NALF1: variants seen among roughly 807,000 people sequenced by gnomAD.
The protein encoded by NALF1 is family with sequence similarity 155 member A.
NALF1 carries 3 observed loss-of-function variants against 48.4 expected under a neutral mutation model. That is an observed-to-expected ratio of 0.06 (90% CI 0.03 to 0.16). The LOEUF (loss-of-function observed/expected upper bound fraction) is 0.16, where lower values mean the gene tolerates loss of function less well. Ranked by LOEUF, NALF1 falls within the 10% of genes least tolerant of loss-of-function variation. NALF1 has a pLI of 1.00. For missense variants in NALF1, 526 were observed against 571.5 expected (o/e 0.92, Z 0.81); for synonymous variants, 262 against 245.7 (o/e 1.07, Z -0.62).
Position 107,671,485 on chromosome 13 carries a change from G to A in NALF1, c.915+194197C>T, listed in dbSNP as rs9559132. On this transcript the variant is annotated intron_variant, in intron 1 of 2. Coordinates refer to ENST00000375915, the MANE Select transcript of NALF1 (RefSeq NM_001080396.3). ...TGCATTAAATTAGTAATGTAAAAAT[G>A]ATTGGAAGAAAATCAATGTACATAG... Among the ~76,000 whole-genome samples, 2,767 of 152,142 alleles carry A rather than the reference G, an allele frequency of 0.018. 148 individuals are homozygous for A. The East Asian group carries it at 0.2, about 11-fold the overall frequency.
intron 1 of NALF1, among the ~76,000 whole-genome samples, chr13:107,441,882 A>C (rs1884565541): frequency 6.6e-6 from 1 of 152,226 alleles, no homozygotes; most frequent in African/African-American, 2.4e-5. Context: ...GTGAATGTGC[A>C]ATAGGAAATA....
intron 1 of NALF1, among the ~76,000 whole-genome samples, chr13:107,629,159 G>C (rs891902473): frequency 2.6e-5 from 4 of 152,136 alleles, no homozygotes; most frequent in Non-Finnish European, 4.4e-5. Context: ...AGGCCAAGTT[G>C]ACACTATGAA....
At chr13:107,648,229 T>C (rs1045043615) in intron 1 of NALF1, among the ~76,000 whole-genome samples, 1 of 152,172 alleles carries the variant, frequency 6.6e-6, no homozygotes, top group Non-Finnish European at 1.5e-5. Flanking sequence ...ACTCTTTGCA[T>C]TGTGCAGTTC....
At chr13:107,601,962 C>G (rs986144152) in intron 1 of NALF1, among the ~76,000 whole-genome samples, 1 of 151,952 alleles carries the variant, frequency 6.6e-6, no homozygotes, top group Non-Finnish European at 1.5e-5. Flanking sequence ...TGTTTTAATG[C>G]GACAAATTTC....
intron 1 of NALF1, among the ~76,000 whole-genome samples, chr13:107,614,896 C>A (rs1040002467): frequency 6.6e-6 from 1 of 152,006 alleles, no homozygotes; most frequent in East Asian, 1.9e-4. Context: ...CCTGCCTCAG[C>A]TTCCTGAGTA....
rs566526344 is a variant in NALF1 at position 107,556,263 on chromosome 13, C to G, written c.915+309419G>C. On this transcript the variant is annotated intron_variant, in intron 1 of 2. Coordinates refer to ENST00000375915, the MANE Select transcript of NALF1 (RefSeq NM_001080396.3). Reference sequence around the variant, plus strand: ...TCAGAGATGTGCCTCTCCTCTCTCTCTCTCTCAACATATATATATATATAT... The same window carrying G: ...TCAGAGATGTGCCTCTCCTCTCTCTGTCTCTCAACATATATATATATATAT... Among the ~76,000 whole-genome samples the G allele has an allele frequency of 5.9e-3, 808 of 137,678 alleles. 5 individuals are homozygous for G. The highest frequency in any genetic ancestry group is 0.021 in the African/African-American group (773 of 36,192). The allele number at this position is 137,678 out of a possible 152,430, so 90.3% of individuals were successfully genotyped here.
In NALF1 at chr13:107,392,899, C is replaced by T. The variant is rs1253518132; in HGVS notation, c.916-182144G>A. Among the ~76,000 whole-genome samples the T allele has an allele frequency of 6.6e-5, 10 of 152,066 alleles. No homozygotes were observed. In the East Asian group the frequency reaches 1.9e-3, roughly 29 times the overall value. ...CTTGGCAGAACTCCTGGTGAAACAG[C>T]TCCATTTTAACAACCTGTTATTCTG... On this transcript the variant is annotated intron_variant, in intron 1 of 2. Transcript: ENST00000375915.
chr13:107,231,221 T>C (rs1365424597), intron 1 of NALF1, among the ~76,000 whole-genome samples: 1 of 152,138 alleles, frequency 6.6e-6, no homozygotes, highest in African/African-American at 2.4e-5. Context: ...TTTACCCCAC[T>C]GGAGTAAAGA....
intron 1 of NALF1, among the ~76,000 whole-genome samples, chr13:107,670,105 T>C (rs1483950689): frequency 6.6e-6 from 1 of 152,164 alleles, no homozygotes; most frequent in East Asian, 1.9e-4. Context: ...CAGAGTCACA[T>C]TAAAATTACT....
At chr13:107,611,123 C>T (rs1427483757) in intron 1 of NALF1, among the ~76,000 whole-genome samples, 1 of 152,118 alleles carries the variant, frequency 6.6e-6, no homozygotes, top group African/African-American at 2.4e-5. Flanking sequence ...GTAATTATTT[C>T]ATTTTGTTCC....
intron 1 of NALF1, among the ~76,000 whole-genome samples, chr13:107,328,585 C>G (rs573123469): frequency 6.6e-6 from 1 of 152,306 alleles, no homozygotes; most frequent in East Asian, 1.9e-4. Flanking sequence ...TCTCCTCTCT[C>G]TCTTCTATTG....
At chr13:107,384,289 A>C (rs1225849712) in intron 1 of NALF1, among the ~76,000 whole-genome samples, 1 of 151,460 alleles carries the variant, frequency 6.6e-6, no homozygotes, top group Non-Finnish European at 1.5e-5. Flanking sequence ...AAAAACAAAC[A>C]AAAAAAACCC....
rs575143829 is a variant in NALF1 at position 107,824,981 on chromosome 13, A to G, written c.915+40701T>C. 2.6e-5 allele frequency among the ~76,000 whole-genome samples: 4 copies of G among 152,310 alleles called. No individual in the cohort carries two copies. In the South Asian group the frequency reaches 8.3e-4, roughly 32 times the overall value. On this transcript the variant is annotated intron_variant, in intron 1 of 2. Coordinates refer to ENST00000375915, the MANE Select transcript of NALF1 (RefSeq NM_001080396.3). ...ACTAGGACATGATCCCAAACCACGA[A>G]TCTAGTAGCTACAATGCTTTTGTTG...
chr13:107,291,411 T>C (rs1291930223), intron 1 of NALF1, among the ~76,000 whole-genome samples: 1 of 151,638 alleles, frequency 6.6e-6, no homozygotes, highest in Non-Finnish European at 1.5e-5. Context: ...CCTCACGTGA[T>C]GGTGCACAAG....
At chr13:107,227,251 G>GT (rs1348447784) in intron 1 of NALF1, among the ~76,000 whole-genome samples, 1 of 152,186 alleles carries the variant, frequency 6.6e-6, no homozygotes, top group African/African-American at 2.4e-5. Flanking sequence ...AGTTAAGGCA[G>GT]TTTTTTACCT....
intron 1 of NALF1, among the ~76,000 whole-genome samples, chr13:107,417,162 C>T (rs1405199517): frequency 6.6e-6 from 1 of 152,228 alleles, no homozygotes; most frequent in South Asian, 2.1e-4. Context: ...TTCTTCCTAA[C>T]ATCATTTCTA....
rs565051651 is a variant in NALF1 at position 107,740,328 on chromosome 13, T to C, written c.915+125354A>G. Among the ~76,000 whole-genome samples, 12 of 152,236 alleles carry C rather than the reference T, an allele frequency of 7.9e-5. No individual in the cohort carries two copies. In the South Asian group the frequency reaches 8.3e-4, roughly 11 times the overall value. On this transcript the variant is annotated intron_variant, in intron 1 of 2. Coordinates refer to ENST00000375915, the MANE Select transcript of NALF1 (RefSeq NM_001080396.3). ...CTTATTACAAACAGAAACAAAACCA[T>C]AGAAGATGTAATAGAATCAGAAGAG...
At chr13:107,657,057 A>G (rs1203494492) in intron 1 of NALF1, among the ~76,000 whole-genome samples, 1 of 152,092 alleles carries the variant, frequency 6.6e-6, no homozygotes, top group East Asian at 1.9e-4. Context: ...AAGACTACAC[A>G]TTGGGTACAA....
intron 2 of NALF1, among the ~76,000 whole-genome samples, chr13:107,174,879 CT>C (rs1369139820): frequency 1.0e-4 from 15 of 150,690 alleles, no homozygotes; most frequent in African/African-American, 3.7e-4. Flanking sequence ...ACAATCTTTT[CT>C]TTTTCTTTTT....
Sources: allele counts gnomAD v4.1 joint callset (sites outside exome capture counted in the v4.1 genomes callset), GRCh38; gene constraint gnomAD v4.1.1; transcripts MANE v1.5; gene names NCBI Gene and HGNC (gene_info 2026-07-23, HGNC 2026-07-21).